Variants in CPN1 observed in about 807,000 individuals in gnomAD.
The protein encoded by CPN1 is carboxypeptidase N subunit 1.
In CPN1, 37 loss-of-function variants were observed where a neutral mutation model predicts 46.4. That is an observed-to-expected ratio of 0.80 (90% CI 0.61 to 1.05). CPN1 has a LOEUF of 1.05. CPN1 is among the 50% of genes least tolerant of loss of function. The pLI, the probability that CPN1 is intolerant of heterozygous loss-of-function variation, is 0.00. For synonymous variants in CPN1, 224 were observed against 235.4 expected, an observed-to-expected ratio of 0.95 and a Z score of 0.44; for missense variants, 563 against 602.6, an observed-to-expected ratio of 0.93 and a Z score of 0.69.
In CPN1 at chr10:100,063,650, T is replaced by C; in HGVS notation, c.835A>G (p.Ile279Val). The C allele has an allele frequency of 6.2e-7, 1 of 1,614,074 alleles. No individual in the cohort carries two copies. The highest frequency in any genetic ancestry group is 8.5e-7 in the Non-Finnish European group (1 of 1,179,980). Residue 279 changes from isoleucine (I) to valine (V), a missense_variant, in exon 5 of 9, where the codon ATC becomes GTC. Coordinates refer to ENST00000370418, the MANE Select transcript of CPN1 (RefSeq NM_001308.3). ...GAATACCAGGAAGCCCCATTGGTGA[T>C]GCCATCTGGGAAGTAATCTCCGCAG... is the stretch of plus-strand genomic sequence containing the variant. The part of the protein sequence containing the change: ...WNCGDYFPDG[I>V]TNGASWYSLS...
intron 7 of CPN1, among the ~76,000 whole-genome samples, chr10:100,051,983 C>T (rs1013372343): frequency 6.6e-6 from 1 of 152,112 alleles, no homozygotes; most frequent in African/African-American, 2.4e-5. Flanking sequence ...TCACTGCAAC[C>T]TCCACCTCCC....
rs1041330733 is a variant in CPN1 at position 100,076,443 on chromosome 10, T to A, written c.224-336A>T. ...AGGATGGGAGAGGTTAAGTAACTTG[T>A]CTGAGGTTGCCTAGCTAATGGCTCT... On this transcript the variant is annotated intron_variant, in intron 1 of 8. Transcript: ENST00000370418. Among the ~76,000 whole-genome samples, 39 of 152,194 alleles carry A rather than the reference T, an allele frequency of 2.6e-4. 1 individual carries two copies. Among genetic ancestry groups the A allele is most frequent in the Admixed American group, 2.5e-3 (38 of 15,282 alleles).
In CPN1 at chr10:100,069,830, C is replaced by T; in HGVS notation, c.460G>A (p.Ala154Thr). The T allele has an allele frequency of 6.2e-7, 1 of 1,613,758 alleles. No homozygotes were observed. The highest frequency in any genetic ancestry group is 8.5e-7 in the Non-Finnish European group (1 of 1,179,972). Residue 154 changes from alanine (A) to threonine (T), a missense_variant, in exon 3 of 9, where the codon GCA becomes ACA. Coordinates refer to ENST00000370418, the MANE Select transcript of CPN1 (RefSeq NM_001308.3). The part of the protein sequence containing the change: ...KPGYLVGRNN[A>T]NGVDLNRNFP... ...TTGCGGTTCAGGTCCACTCCATTTGCATTGTTCCTGCCAACTAGATACCCA... is the reference window on the plus strand; with the variant it reads ...TTGCGGTTCAGGTCCACTCCATTTGTATTGTTCCTGCCAACTAGATACCCA...
intron 8 of CPN1, among the ~76,000 whole-genome samples, chr10:100,046,800 G>A (rs1409873892): frequency 2.0e-5 from 3 of 151,570 alleles, no homozygotes; most frequent in Admixed American, 6.6e-5. Context: ...ATGGCCGGGT[G>A]CGGTGGCTCA....
chr10:100,064,202 G>C (rs557913552), intron 4 of CPN1, among the ~76,000 whole-genome samples: 43 of 152,078 alleles, frequency 2.8e-4, no homozygotes, highest in African/African-American at 1.0e-3. Context: ...GTTGCAGGGA[G>C]AGGAATATAT....
intron 1 of CPN1, among the ~76,000 whole-genome samples, chr10:100,080,784 C>G (rs1161502875): frequency 1.3e-5 from 2 of 151,986 alleles, no homozygotes; most frequent in Non-Finnish European, 2.9e-5. Context: ...TCCCAGCTAC[C>G]TAGGAGGCTG....
At position 100,065,209 on chromosome 10, in the gene CPN1, A is replaced by G; in HGVS notation, c.738T>C (p.Pro246=). 1 of 1,613,536 alleles carries G rather than the reference A, an allele frequency of 6.2e-7. No homozygotes were observed. Among genetic ancestry groups the G allele is most frequent in the Non-Finnish European group, 8.5e-7 (1 of 1,179,564 alleles). ...GVRRTASTPT[P]DDKLFQKLAK... Reference sequence around the variant, plus strand: ...ATACCTTCTGGAAGAGCTTGTCGTCAGGCGTGGGGGTGCTGGCGGTGCGGC... The same window carrying G: ...ATACCTTCTGGAAGAGCTTGTCGTCGGGCGTGGGGGTGCTGGCGGTGCGGC... The change falls in exon 4 of 9, where the codon CCT becomes CCC. Residue 246 remains proline, a synonymous_variant. Coordinates refer to ENST00000370418, the MANE Select transcript of CPN1 (RefSeq NM_001308.3).
chr10:100,065,147 C>A (rs1180504010), intron 4 of CPN1, 41 bp downstream of exon 4: 2 of 1,598,364 alleles, frequency 1.3e-6, no homozygotes, highest in Non-Finnish European at 1.7e-6. Flanking sequence ...ACCTCCTGAG[C>A]CCCAAGTTCC....
intron 5 of CPN1, among the ~76,000 whole-genome samples, chr10:100,061,813 TA>T (rs560959346): frequency 1.3e-5 from 2 of 152,186 alleles, no homozygotes; most frequent in East Asian, 3.8e-4. Context: ...AAAGTAACTT[TA>T]AAAAAACATT....
chr10:100,055,182 G>T lies in CPN1; in HGVS notation c.1012-736C>A, dbSNP rs2041378338. 2.0e-5 allele frequency among the ~76,000 whole-genome samples: 3 copies of T among 151,682 alleles called. No individual in the cohort carries two copies. In the South Asian group the frequency reaches 6.3e-4, roughly 32 times the overall value. Reference sequence around the variant, plus strand: ...AAACTGAGGAGGCGGAGGTTGCAGTGGGCTTAGATCACGCCACTGCACTCC... The same window carrying T: ...AAACTGAGGAGGCGGAGGTTGCAGTTGGCTTAGATCACGCCACTGCACTCC... On this transcript the variant is annotated intron_variant, in intron 6 of 8. Transcript: ENST00000370418.
rs1362672166 is a variant in CPN1, at chr10:100,042,361, GA to G, written c.*65del. ...TATGTCCCAGATAATAAAATAGAAA[GA>G]ATGCTTGATCTGATCTGAGAGCAGG... On this transcript the variant is annotated 3_prime_UTR_variant, in exon 9 of 9. Coordinates refer to ENST00000370418, the MANE Select transcript of CPN1 (RefSeq NM_001308.3). 3.8e-6 allele frequency: 6 copies of G among 1,590,338 alleles called. No individual in the cohort carries two copies. In the Middle Eastern group the frequency reaches 6.8e-4, roughly 180 times the overall value.
chr10:100,042,729 T>C (rs2041283659), intron 8 of CPN1, among the ~76,000 whole-genome samples, 156 bp from the exon 9 acceptor site: 1 of 152,038 alleles, frequency 6.6e-6, no homozygotes, highest in African/African-American at 2.4e-5. Flanking sequence ...TCCCCCAAAA[T>C]TGGTATGCAA....
intron 2 of CPN1, 118 bp from the exon 3 acceptor site, chr10:100,069,987 A>G (rs1034850530): frequency 1.7e-6 from 2 of 1,211,974 alleles, no homozygotes; most frequent in Non-Finnish European, 2.4e-6. Flanking sequence ...CAGTGGTACA[A>G]TCTTGGCTTA....
At chr10:100,079,754 G>A (rs919519984) in intron 1 of CPN1, among the ~76,000 whole-genome samples, 2 of 152,220 alleles carry the variant, frequency 1.3e-5, no homozygotes, top group African/African-American at 4.8e-5. Context: ...TCTGGCATCT[G>A]TGTACCAAAT....
chr10:100,056,033 C>T (rs995816861), intron 6 of CPN1, among the ~76,000 whole-genome samples: 1 of 152,160 alleles, frequency 6.6e-6, no homozygotes, highest in African/African-American at 2.4e-5. Context: ...ATTGCTGGAG[C>T]ACATAGGAAT....
chr10:100,072,716 G>A (rs1407142118), intron 2 of CPN1, among the ~76,000 whole-genome samples: 1 of 152,138 alleles, frequency 6.6e-6, no homozygotes, highest in Non-Finnish European at 1.5e-5. Flanking sequence ...TCTATTCAGA[G>A]CTCTCAGATA....
At chr10:100,046,802 G>C (rs1394471155) in intron 8 of CPN1, among the ~76,000 whole-genome samples, 2 of 142,384 alleles carry the variant, frequency 1.4e-5, no homozygotes, top group Non-Finnish European at 3.1e-5. Flanking sequence ...GGCCGGGTGC[G>C]GTGGCTCACG....
In CPN1 at chr10:100,055,967, A is replaced by T. The variant is rs921378202; in HGVS notation, c.1011+1046T>A. On this transcript the variant is annotated intron_variant, in intron 6 of 8. Transcript: ENST00000370418. ...AATGCTGTTACAAATATGGATGTGC[A>T]AATATCTCTTTGAGGCCCTTATTTC... 2.0e-5 allele frequency among the ~76,000 whole-genome samples: 3 copies of T among 152,266 alleles called. No homozygotes were observed. In the East Asian group the frequency reaches 5.8e-4, roughly 29 times the overall value.
At chr10:100,068,575 C>A (rs1313640764) in intron 3 of CPN1, among the ~76,000 whole-genome samples, 1 of 151,862 alleles carries the variant, frequency 6.6e-6, no homozygotes, top group Non-Finnish European at 1.5e-5. Flanking sequence ...GAGACAGGGT[C>A]TCTTGCTCTG....
Sources: allele counts gnomAD v4.1 joint callset (sites outside exome capture counted in the v4.1 genomes callset), GRCh38; gene constraint gnomAD v4.1.1; transcripts MANE v1.5; gene names NCBI Gene and HGNC (gene_info 2026-07-23, HGNC 2026-07-21).